FOXN3: variants seen among roughly 807,000 people sequenced by gnomAD.
FOXN3 encodes the protein forkhead box N3, also known as forkhead box protein N3.
In FOXN3, 7 loss-of-function variants were observed where a neutral mutation model predicts 38.4. The ratio of observed to expected loss-of-function variants is 0.18; its 90% CI spans 0.10 to 0.34. The LOEUF (loss-of-function observed/expected upper bound fraction) is 0.34, where lower values mean the gene tolerates loss of function less well. Ranked by LOEUF, FOXN3 falls within the 10% of genes least tolerant of loss-of-function variation. The pLI, the probability that FOXN3 is intolerant of heterozygous loss-of-function variation, is 1.00. For synonymous variants in FOXN3, 230 were observed against 242.2 expected (o/e 0.95, Z 0.47); for missense variants, 456 against 613.4 (o/e 0.74, Z 2.71).
intron 1 of FOXN3, among the ~76,000 whole-genome samples, chr14:89,592,941 C>A (rs17126134): frequency 3.5e-4 from 50 of 144,776 alleles, no homozygotes; most frequent in African/African-American, 1.2e-3. Context: ...TGAGCAACAA[C>A]AAAATCAAAT....
intron 4 of FOXN3, chr14:89,183,923 T>C (rs1887737640): frequency 6.6e-6 from 1 of 152,190 alleles, no homozygotes; most frequent in African/African-American, 2.4e-5. Flanking sequence ...TTAAGTAAGA[T>C]GGGGGACAAA....
At chr14:89,508,633 A>G (rs1893997471) in intron 1 of FOXN3, among the ~76,000 whole-genome samples, 1 of 152,192 alleles carries the variant, frequency 6.6e-6, no homozygotes, top group Non-Finnish European at 1.5e-5. Context: ...TGAAGTAGAC[A>G]TGTTTTGAGC....
At chr14:89,421,372 T>C (rs1891902584), upstream of FOXN3, among the ~76,000 whole-genome samples, 1 of 151,852 alleles carries the variant, frequency 6.6e-6, no homozygotes, top group Non-Finnish European at 1.5e-5. Context: ...GGTCTTGAAC[T>C]CCTGACCTCA....
chr14:89,485,149 C>CAAA lies in FOXN3; in HGVS notation c.-14-72662_-14-72660dup, dbSNP rs3057954. 2.3e-3 allele frequency among the ~76,000 whole-genome samples: 295 copies of CAAA among 128,960 alleles called. 15 individuals are homozygous for CAAA. Among genetic ancestry groups the CAAA allele is most frequent in the East Asian group, 1.6e-3 (7 of 4,306 alleles). The allele number at this position is 128,960 out of a possible 152,430, so 84.6% of individuals were successfully genotyped here. A position where few individuals can be genotyped will look rare whatever the true frequency, so the allele number is the denominator to read the frequency against. ...CCTAGGTGACAGAGCAAGACTCTCTCAAAAAAAAAAAAAAAGACCCAGGGC... is the reference window on the plus strand; with the variant it reads ...CCTAGGTGACAGAGCAAGACTCTCTCAAAAAAAAAAAAAAAAAAGACCCAGGGC... On this transcript the variant is annotated intron_variant, in intron 1 of 6. Coordinates refer to the FOXN3 transcript ENST00000345097.
At chr14:89,552,557 C>T (rs1222216817) in intron 1 of FOXN3, among the ~76,000 whole-genome samples, 1 of 152,108 alleles carries the variant, frequency 6.6e-6, no homozygotes, top group Non-Finnish European at 1.5e-5. Context: ...GTGAATTCTC[C>T]TAATTAAAAG....
intron 4 of FOXN3, among the ~76,000 whole-genome samples, chr14:89,218,164 C>G (rs569130440): frequency 6.6e-6 from 1 of 152,192 alleles, no homozygotes; most frequent in South Asian, 2.1e-4. Flanking sequence ...CTCCGCCATG[C>G]CTGCACCTAT....
At chr14:89,241,692 A>T (rs1295576363) in intron 4 of FOXN3, among the ~76,000 whole-genome samples, 4 of 152,044 alleles carry the variant, frequency 2.6e-5, no homozygotes, top group Non-Finnish European at 5.9e-5. Context: ...GTTTTTTGGG[A>T]TTCTCTTCAG....
chr14:89,384,679 G>A (rs1017892412), intron 2 of FOXN3, among the ~76,000 whole-genome samples: 3 of 152,160 alleles, frequency 2.0e-5, no homozygotes, highest in Non-Finnish European at 4.4e-5. Flanking sequence ...ATACAGAGAT[G>A]CAGAGATAAA....
chr14:89,236,129 C>T (rs1215380249), intron 4 of FOXN3, among the ~76,000 whole-genome samples: 1 of 152,186 alleles, frequency 6.6e-6, no homozygotes, highest in Non-Finnish European at 1.5e-5. Flanking sequence ...CCCTGGCTCT[C>T]AGCTAAGGAG....
intron 3 of FOXN3, among the ~76,000 whole-genome samples, chr14:89,310,016 G>A (rs968303952): frequency 6.6e-6 from 1 of 152,314 alleles, no homozygotes; most frequent in African/African-American, 2.4e-5. Flanking sequence ...CTACCCATGC[G>A]GGGGTGGGGA....
chr14:89,400,514 C>G (rs1010687966), intron 2 of FOXN3, among the ~76,000 whole-genome samples: 2 of 152,176 alleles, frequency 1.3e-5, no homozygotes, highest in Non-Finnish European at 2.9e-5. Flanking sequence ...AATTTCCCAA[C>G]CCAAATTTGC....
chr14:89,288,718 CTCTCTCTATATATATATA>C (rs1566947673), intron 3 of FOXN3, among the ~76,000 whole-genome samples: 131 of 43,726 alleles, frequency 3.0e-3, no homozygotes, highest in Non-Finnish European at 3.6e-3. Flanking sequence ...CTCTCTCTCT[CTCTCTCTATATATATATA>C]TATATATATA....
Position 89,246,329 on chromosome 14 carries a change from G to A in FOXN3, c.745+34621C>T, listed in dbSNP as rs1266599730. ...AAGTTAAAACATATATTTTCCCGGGGCATGATTTCCTCCAGGCCTGGGAAG... is the reference window on the plus strand; with the variant it reads ...AAGTTAAAACATATATTTTCCCGGGACATGATTTCCTCCAGGCCTGGGAAG... On this transcript the variant is annotated intron_variant, in intron 4 of 5. Coordinates refer to ENST00000557258, the MANE Select transcript of FOXN3 (RefSeq NM_005197.4). 2.6e-5 allele frequency among the ~76,000 whole-genome samples: 4 copies of A among 152,064 alleles called. No homozygotes were observed. In the East Asian group the frequency reaches 7.7e-4, roughly 29 times the overall value.
At chr14:89,231,344 C>A (rs750391038) in intron 4 of FOXN3, among the ~76,000 whole-genome samples, 29 of 152,138 alleles carry the variant, frequency 1.9e-4, no homozygotes, top group Admixed American at 6.5e-5. Context: ...ACAAACAATT[C>A]CTGTTTGGCC....
At chr14:89,421,528 A>AGATTTTT (rs56659540), upstream of FOXN3, among the ~76,000 whole-genome samples, 1 of 144,748 alleles carries the variant, frequency 6.9e-6, no homozygotes, top group Non-Finnish European at 1.5e-5. Flanking sequence ...ACCCAGGGAA[A>AGATTTTT]TTTTTTTTTT....
chr14:89,172,526 T>G (rs1887416581), intron 5 of FOXN3, among the ~76,000 whole-genome samples: 1 of 152,216 alleles, frequency 6.6e-6, no homozygotes, highest in Admixed American at 6.5e-5. Context: ...ATTATAAAGT[T>G]TATACGCAAC....
At chr14:89,499,620 C>A (rs1344529955) in intron 1 of FOXN3, among the ~76,000 whole-genome samples, 2 of 152,100 alleles carry the variant, frequency 1.3e-5, no homozygotes, top group Non-Finnish European at 1.5e-5. Context: ...ATGCAAAAGA[C>A]ACTCAAAATG....
rs376196779 is a variant in FOXN3, at chr14:89,509,241, T to A, written c.-14-96751A>T. On this transcript the variant is annotated intron_variant, in intron 1 of 6. Transcript: ENST00000345097. ...CTCTGGGTCAAAGTTATAGCACCCA[T>A]GCTTGCATCTCCTGGACCTTGTTCC... 9.6e-4 allele frequency among the ~76,000 whole-genome samples: 147 copies of A among 152,344 alleles called. 4 individuals carry two copies. The South Asian group carries it at 0.029, about 30-fold the overall frequency.
At position 89,157,028 on chromosome 14, in the gene FOXN3, C is replaced by T. The variant is rs1886996241; in HGVS notation, c.*5386G>A. On this transcript the variant is annotated 3_prime_UTR_variant, in exon 6 of 6. Coordinates refer to ENST00000557258, the MANE Select transcript of FOXN3 (RefSeq NM_005197.4). ...CCAATATGGAATATCAATTATTTTG[C>T]AAAAGGTAGAGAAAGCAGTTCTCAA... 1 of 152,596 alleles carries T rather than the reference C, an allele frequency of 6.6e-6. No homozygotes were observed. The highest frequency in any genetic ancestry group is 1.5e-5 in the Non-Finnish European group (1 of 68,040). 9.5% of individuals were successfully genotyped at this position (152,596 alleles called of 1,614,324 possible). A position where few individuals can be genotyped will look rare whatever the true frequency, so the allele number is the denominator to read the frequency against.
Sources: gnomAD v4.1 joint callset for allele counts (sites outside exome capture counted in the v4.1 genomes callset) on GRCh38, gnomAD v4.1.1 for gene constraint, MANE v1.5 for transcripts, NCBI Gene and HGNC (gene_info 2026-07-23, HGNC 2026-07-21) for gene names.